The following SP7 variants were observed in gnomAD, a reference collection of about 807,000 sequenced individuals.
The protein encoded by SP7 is Sp7 transcription factor, also known as transcription factor Sp7.
SP7 carries 13 observed loss-of-function variants against 27.9 expected under a neutral mutation model. The observed-to-expected ratio is 0.47, with a 90% CI of 0.30 to 0.74. SP7 has a LOEUF of 0.74. SP7 is among the 30% of genes least tolerant of loss of function. SP7 has a pLI of 0.06. For missense variants in SP7, 525 were observed against 558.0 expected, an observed-to-expected ratio of 0.94 and a Z score of 0.60; for synonymous variants, 219 against 226.7, an observed-to-expected ratio of 0.97 and a Z score of 0.31.
intron 2 of SP7, among the ~76,000 whole-genome samples, chr12:53,330,463 A>G (rs1944692267): frequency 6.6e-6 from 1 of 152,146 alleles, no homozygotes; most frequent in Non-Finnish European, 1.5e-5. Flanking sequence ...GCTCCAAGCG[A>G]TCCTCCACCC....
At position 53,333,796 on chromosome 12, in the gene SP7, G is replaced by A. The variant is rs187785688; in HGVS notation, c.21+1830C>T. On this transcript the variant is annotated intron_variant, in intron 2 of 2. Transcript: ENST00000536324. ...CCTGGGGAGGTGGGGAGGAAGTTGA[G>A]GGCCCAGGTACTCAAAAACTAGGTG... is the stretch of plus-strand genomic sequence containing the variant. Among the ~76,000 whole-genome samples the A allele has an allele frequency of 1.9e-3, 282 of 151,880 alleles. 8 individuals are homozygous for A. In the East Asian group the frequency reaches 0.041, roughly 22 times the overall value.
upstream of SP7, among the ~76,000 whole-genome samples, chr12:53,337,216 G>C (rs547165360): frequency 1.6e-4 from 25 of 152,336 alleles, no homozygotes; most frequent in African/African-American, 6.0e-4. Context: ...CAGTTCTCCA[G>C]AGTGATCTGA....
intron 1 of SP7, among the ~76,000 whole-genome samples, chr12:53,342,422 C>T (rs1944832026): frequency 6.6e-6 from 1 of 152,216 alleles, no homozygotes; most frequent in African/African-American, 2.4e-5. Flanking sequence ...GCACACTGGG[C>T]TAGACTTAGG....
At position 53,328,441 on chromosome 12, in the gene SP7, C is replaced by A; in HGVS notation, c.1001G>T (p.Arg334Met). ...FVCNWLFCGKRFTRSDELERH... is the reference protein window; with the variant it reads ...FVCNWLFCGKMFTRSDELERH... ...CTCCAGCTCATCCGAACGAGTGAACCTCTTGCCGCAGAAGAGCCAGTTGCA... is the reference window on the plus strand; with the variant it reads ...CTCCAGCTCATCCGAACGAGTGAACATCTTGCCGCAGAAGAGCCAGTTGCA... The change falls in exon 3 of 3, where the codon AGG becomes ATG. Residue 334 changes from arginine (R) to methionine (M), a missense_variant. Transcript: ENST00000536324. This position sits in a 1 kb window ranked among gnomAD's most constrained non-coding sequence, Gnocchi z 5.1. 6.2e-7 allele frequency: 1 copy of A among 1,613,970 alleles called. No individual in the cohort carries two copies. The highest frequency in any genetic ancestry group is 1.1e-5 in the South Asian group (1 of 91,090).
At chr12:53,339,605 A>G (rs1944804446), upstream of SP7, among the ~76,000 whole-genome samples, 1 of 151,914 alleles carries the variant, frequency 6.6e-6, no homozygotes, top group Non-Finnish European at 1.5e-5. Context: ...GGTGCCTGTA[A>G]TCCCAGCTAC....
At chr12:53,335,285 C>T (rs2136846226) in intron 2 of SP7, among the ~76,000 whole-genome samples, 1 of 150,686 alleles carries the variant, frequency 6.6e-6, no homozygotes. Flanking sequence ...TCTCTCCTCA[C>T]TCCCCCTCGC....
upstream of SP7, chr12:53,336,446 G>C (rs533579154): frequency 2.6e-5 from 4 of 153,344 alleles, no homozygotes; most frequent in East Asian, 1.9e-4. Context: ...AGAGATCCAG[G>C]GGGGGGATGG....
intron 1 of SP7, among the ~76,000 whole-genome samples, chr12:53,341,691 C>A (rs1314249570): frequency 6.6e-6 from 1 of 152,150 alleles, no homozygotes; most frequent in African/African-American, 2.4e-5. Context: ...CACCTGTAAT[C>A]CCAGCACTTT....
At chr12:53,329,527 G>T (rs1489735288) in intron 2 of SP7, 107 bp from the exon 3 acceptor site, 11 of 961,480 alleles carry the variant, frequency 1.1e-5, no homozygotes, top group Non-Finnish European at 1.6e-5. Flanking sequence ...GAACAGAGGG[G>T]TCAGGGAAGA....
chr12:53,343,141 CA>C (rs1270407240), intron 1 of SP7, among the ~76,000 whole-genome samples: 56 of 58,650 alleles, frequency 9.5e-4, no homozygotes, highest in African/African-American at 1.3e-3. Context: ...ACAAAAAATA[CA>C]AAAAAAAAAA....
At position 53,329,123 on chromosome 12, in the gene SP7, C is replaced by T; in HGVS notation, c.319G>A (p.Asp107Asn). The change falls in exon 3 of 3, where the codon GAC becomes AAC. Residue 107 changes from aspartate to asparagine, a missense_variant. By Grantham distance (23) the Asp-to-Asn change is conservative. Transcript: ENST00000536324. ...HSFPGPTGTQ[D>N]PGLLVPKGHS... ...CCCTTGGGCACTAGTAGCCCAGGGTCCTGGGTGCCTGTGGGCCCAGGGAAT... is the reference window on the plus strand; with the variant it reads ...CCCTTGGGCACTAGTAGCCCAGGGTTCTGGGTGCCTGTGGGCCCAGGGAAT... 1.2e-6 allele frequency: 2 copies of T among 1,613,792 alleles called. No individual in the cohort carries two copies. The highest frequency in any genetic ancestry group is 1.7e-6 in the Non-Finnish European group (2 of 1,179,864).
chr12:53,328,252 G>T lies in SP7; in HGVS notation c.1190C>A (p.Thr397Lys), dbSNP rs568196454. 1.9e-6 allele frequency: 3 copies of T among 1,612,056 alleles called. No homozygotes were observed. The highest frequency in any genetic ancestry group is 2.5e-6 in the Non-Finnish European group (3 of 1,179,084). ...GPKELGEGRS[T>K]GEEEASQTPR... is the part of the protein sequence containing the mutation. ...CGTCTGACTGGCCTCCTCTTCCCCCGTGCTGCGGCCCTCCCCCAGCTCCTT... is the reference window on the plus strand; with the variant it reads ...CGTCTGACTGGCCTCCTCTTCCCCCTTGCTGCGGCCCTCCCCCAGCTCCTT... Residue 397 changes from threonine (T) to lysine (K), a missense_variant, in exon 3 of 3, where the codon ACG (threonine) becomes AAG (lysine). Transcript: ENST00000536324. The surrounding 1 kb of genome is among the most constrained non-coding windows in gnomAD (Gnocchi z 5.1).
At position 53,335,606 on chromosome 12, in the gene SP7, G is replaced by C. The variant is rs955028118; in HGVS notation, c.21+20C>G. On this transcript the variant is annotated intron_variant, in intron 2 of 2. Transcript: ENST00000536324. ...ATTAAGGTTGTGGCTGGTTTCCTGG[G>C]GGGAAGAGGGGACAGTTACCTCAAG... The C allele has an allele frequency of 5.5e-5, 76 of 1,373,390 alleles. No homozygotes were observed. The highest frequency in any genetic ancestry group is 7.6e-5 in the Non-Finnish European group (75 of 983,986). 85.1% of individuals were successfully genotyped at this position (1,373,390 alleles called of 1,614,324 possible). A position where few individuals can be genotyped will look rare whatever the true frequency, so the allele number is the denominator to read the frequency against.
chr12:53,342,393 A>G (rs1944831714), intron 1 of SP7, among the ~76,000 whole-genome samples: 1 of 152,274 alleles, frequency 6.6e-6, no homozygotes, highest in African/African-American at 2.4e-5. Flanking sequence ...ATGTTCAGAA[A>G]GCACCTACTT....
At chr12:53,342,133 C>T (rs572469035) in intron 1 of SP7, among the ~76,000 whole-genome samples, 29 of 151,614 alleles carry the variant, frequency 1.9e-4, no homozygotes, top group African/African-American at 6.1e-4. Context: ...TGTGGTGGCG[C>T]GTGCCTGTAA....
chr12:53,328,175 G>A lies in SP7; in HGVS notation c.1267C>T (p.Pro423Ser). 5 of 1,612,702 alleles carry A rather than the reference G, an allele frequency of 3.1e-6. No homozygotes were observed. Among genetic ancestry groups the A allele is most frequent in the Non-Finnish European group, 4.2e-6 (5 of 1,179,606 alleles). ...ATCTCCAGCAAGTTGCTCTGCTCAG[G>A]GCTGCCTCCAGGGGCTTTCTCTGGG... Reference protein sequence around the residue: ...ATPEKAPGGSPEQSNLLEI With the variant: ...ATPEKAPGGSSEQSNLLEI The change falls in exon 3 of 3, where the codon CCT (proline) becomes TCT (serine). Residue 423 changes from proline to serine, a missense_variant. Transcript: ENST00000536324. This position sits in a 1 kb window ranked among gnomAD's most constrained non-coding sequence, Gnocchi z 5.1.
intron 2 of SP7, among the ~76,000 whole-genome samples, chr12:53,330,453 G>C (rs538380264): frequency 1.3e-5 from 2 of 152,290 alleles, no homozygotes; most frequent in East Asian, 3.9e-4. Flanking sequence ...TTCTTTCTGG[G>C]CTCCAAGCGA....
chr12:53,328,516 G>A lies in SP7; in HGVS notation c.926C>T (p.Ser309Leu), dbSNP rs1232306449. ...CCAGCGCAAGTGGGCCTTCAGGTGC[G>A]AAGCCTTGCCATACACCTTGCCGCA... ...PGCGKVYGKA[S>L]HLKAHLRWHT... Residue 309 changes from serine to leucine, a missense_variant, in exon 3 of 3, where the codon TCG becomes TTG. Transcript: ENST00000536324. The surrounding 1 kb of genome is among the most constrained non-coding windows in gnomAD (Gnocchi z 5.1). 2 of 1,613,918 alleles carry A rather than the reference G, an allele frequency of 1.2e-6. No homozygotes were observed. Among genetic ancestry groups the A allele is most frequent in the Admixed American group, 1.7e-5 (1 of 60,022 alleles).
chr12:53,330,617 G>A (rs147993791), intron 2 of SP7, among the ~76,000 whole-genome samples: 19 of 152,324 alleles, frequency 1.2e-4, no homozygotes, highest in Non-Finnish European at 1.9e-4. Context: ...GGAGCAGATC[G>A]AGGCCATGGG....
Sources: allele counts gnomAD v4.1 joint callset (sites outside exome capture counted in the v4.1 genomes callset), GRCh38; gene constraint gnomAD v4.1.1; non-coding constraint Gnocchi (gnomAD v3.1); transcripts MANE v1.5; gene names NCBI Gene and HGNC (gene_info 2026-07-23, HGNC 2026-07-21).